OPRM1: variants seen among roughly 807,000 people sequenced by gnomAD.
OPRM1 encodes mu-type opioid receptor.
Under a neutral mutation model 31.8 loss-of-function variants are expected in OPRM1, and 27 were observed. That is an observed-to-expected ratio of 0.85 (90% CI 0.63 to 1.17). The LOEUF (loss-of-function observed/expected upper bound fraction) is 1.17. Ranked by LOEUF, OPRM1 falls within the 50% of genes most tolerant of loss-of-function variation. The pLI, the probability that OPRM1 is intolerant of heterozygous loss-of-function variation, is 0.00. For synonymous variants in OPRM1, 196 were observed against 189.9 expected (o/e 1.03, Z -0.26); for missense variants, 536 against 511.1 (o/e 1.05, Z -0.47).
chr6:154,218,908 A>C (rs1237710397), intron 3 of OPRM1: 1 of 152,148 alleles, frequency 6.6e-6, no homozygotes, highest in East Asian at 1.9e-4. Context: ...CCCCCAAAAG[A>C]ATTTCAAGTA....
chr6:154,108,966 C>T, intron 3 of OPRM1: 1 of 984,350 alleles, frequency 1.0e-6, no homozygotes, highest in Non-Finnish European at 1.2e-6. Flanking sequence ...AGAAATAAGT[C>T]ATGGGGATTT....
rs1797770200 is a variant in OPRM1 at position 154,129,505 on chromosome 6, ACAT to A, written c.*10788_*10790del. ...GGGTCTTTCTCTCCTCTCAATGTCA[ACAT>A]CATATATGATTGGAGACTTCCACAT... On this transcript the variant is annotated 3_prime_UTR_variant, in exon 4 of 4. Transcript: ENST00000330432. Among the ~76,000 whole-genome samples, 1 of 152,198 alleles carries A rather than the reference ACAT, an allele frequency of 6.6e-6. No individual in the cohort carries two copies. Among genetic ancestry groups the A allele is most frequent in the Non-Finnish European group, 1.5e-5 (1 of 68,032 alleles).
Position 154,213,846 on chromosome 6 carries a change from A to C in OPRM1, c.1165-32847A>C, listed in dbSNP as rs528669099. ...GTACACACCTGGTGGAAATATTAAA[A>C]TATCAGGGAGGAAATAGTGGGATGA... On this transcript the variant is annotated intron_variant, in intron 3 of 3. Transcript: ENST00000337049. Among the ~76,000 whole-genome samples, 22 of 152,334 alleles carry C rather than the reference A, an allele frequency of 1.4e-4. 2 individuals carry two copies. Among genetic ancestry groups the C allele is most frequent in the South Asian group, 6.2e-4 (3 of 4,828 alleles).
chr6:154,166,678 G>A (rs1799460979), intron 3 of OPRM1, among the ~76,000 whole-genome samples: 1 of 151,990 alleles, frequency 6.6e-6, no homozygotes, highest in Admixed American at 6.6e-5. Flanking sequence ...CCATTCAATG[G>A]TCCCAGTCAC....
At chr6:154,181,878 A>C (rs1465884570) in intron 3 of OPRM1, among the ~76,000 whole-genome samples, 1 of 152,162 alleles carries the variant, frequency 6.6e-6, no homozygotes, top group African/African-American at 2.4e-5. Context: ...AATAATCATA[A>C]ATACATGTGT....
intron 3 of OPRM1, among the ~76,000 whole-genome samples, chr6:154,179,313 G>A (rs1171474592): frequency 1.3e-5 from 2 of 152,132 alleles, no homozygotes; most frequent in African/African-American, 4.8e-5. Flanking sequence ...AGGCTTTTCA[G>A]TAAAGCAGTA....
At chr6:154,114,898 T>C (rs144988479) in intron 3 of OPRM1, among the ~76,000 whole-genome samples, 286 of 151,592 alleles carry the variant, frequency 1.9e-3, no homozygotes, top group African/African-American at 6.5e-3. Context: ...AACAAAAAAC[T>C]TGAAGAGAAC....
Position 154,039,566 on chromosome 6 carries a change from A to G in OPRM1, c.22A>G (p.Thr8Ala), listed in dbSNP as rs1422558678. MDSSAAP[T>A]NASNCTDALA... The stretch of plus-strand genomic sequence containing the variant: ...TACCATGGACAGCAGCGCTGCCCCC[A>G]CGAACGCCAGCAATTGCACTGATGC... Residue 8 changes from threonine (T) to alanine (A), a missense_variant, in exon 1 of 4, where the codon ACG becomes GCG. Physicochemically the swap from Thr to Ala is moderately conservative, Grantham distance 58. Coordinates refer to ENST00000330432, the MANE Select transcript of OPRM1 (RefSeq NM_000914.5). 1.9e-6 allele frequency: 3 copies of G among 1,612,910 alleles called. No homozygotes were observed. Among genetic ancestry groups the G allele is most frequent in the Non-Finnish European group, 1.7e-6 (2 of 1,179,544 alleles).
chr6:154,162,954 A>G (rs764274023), intron 3 of OPRM1, among the ~76,000 whole-genome samples: 65 of 152,158 alleles, frequency 4.3e-4, no homozygotes, highest in Non-Finnish European at 6.5e-4. Context: ...TTCCTACCGT[A>G]GTCTTCCACA....
chr6:154,015,642 A>T (rs962992400), intron 1 of OPRM1, among the ~76,000 whole-genome samples: 1 of 152,082 alleles, frequency 6.6e-6, no homozygotes, highest in Non-Finnish European at 1.5e-5. Flanking sequence ...TACAGGAAAA[A>T]ATTGATGAAT....
chr6:154,104,153 G>A (rs554270254), intron 3 of OPRM1, among the ~76,000 whole-genome samples: 24 of 152,208 alleles, frequency 1.6e-4, no homozygotes, highest in African/African-American at 4.3e-4. Context: ...TAGCTATTAG[G>A]GGCTCTTGTG....
intron 1 of OPRM1, chr6:154,083,539 A>ATAGTT (rs147095520): frequency 0.17 from 25,366 of 152,242 alleles, 2,226 homozygotes; most frequent in African/African-American, 0.2. Flanking sequence ...TGTCTGAAAG[A>ATAGTT]TACTCATGGT....
At position 154,101,614 on chromosome 6, in the gene OPRM1, C is replaced by T. The variant is rs1472468366; in HGVS notation, c.1164+10142C>T. On this transcript the variant is annotated intron_variant, in intron 3 of 3. Transcript: ENST00000330432. ...ATGTCAAGCAGATGCAAAATGTTCACAGTTCTTCGAACACTGGAACTGAAA... is the reference window on the plus strand; with the variant it reads ...ATGTCAAGCAGATGCAAAATGTTCATAGTTCTTCGAACACTGGAACTGAAA... Among the ~76,000 whole-genome samples the T allele has an allele frequency of 2.6e-5, 4 of 152,164 alleles. No homozygotes were observed. In the East Asian group the frequency reaches 7.7e-4, roughly 29 times the overall value.
chr6:154,211,845 T>C (rs887857358), intron 3 of OPRM1, among the ~76,000 whole-genome samples: 1 of 152,114 alleles, frequency 6.6e-6, no homozygotes, highest in African/African-American at 2.4e-5. Flanking sequence ...GACTAACACA[T>C]AGAATAATAA....
chr6:154,064,459 G>C (rs1030225383), intron 1 of OPRM1, among the ~76,000 whole-genome samples: 1 of 152,126 alleles, frequency 6.6e-6, no homozygotes, highest in African/African-American at 2.4e-5. Context: ...TACATGGATA[G>C]TGTCCTTTGA....
At chr6:154,101,616 G>T (rs1242356600) in intron 3 of OPRM1, among the ~76,000 whole-genome samples, 2 of 152,140 alleles carry the variant, frequency 1.3e-5, no homozygotes, top group Non-Finnish European at 2.9e-5. Context: ...AATGTTCACA[G>T]TTCTTCGAAC....
chr6:154,109,391 A>T (rs1178521015), intron 3 of OPRM1, among the ~76,000 whole-genome samples: 1 of 152,210 alleles, frequency 6.6e-6, no homozygotes, highest in Non-Finnish European at 1.5e-5. Context: ...TTACAAAAAG[A>T]TGTATGTATT....
chr6:154,019,728 C>CTTTCTTTTCT (rs575009900), intron 1 of OPRM1, among the ~76,000 whole-genome samples: 4 of 144,330 alleles, frequency 2.8e-5, no homozygotes, highest in African/African-American at 8.1e-5. Context: ...AGCTTAGTGG[C>CTTTCTTTTCT]TTTCTTTTCT....
At position 154,180,905 on chromosome 6, in the gene OPRM1, G is replaced by A. The variant is rs368665086; in HGVS notation, c.1165-65788G>A. Among the ~76,000 whole-genome samples the A allele has an allele frequency of 4.6e-5, 7 of 152,234 alleles. No individual in the cohort carries two copies. In the South Asian group the frequency reaches 6.2e-4, roughly 14 times the overall value. On this transcript the variant is annotated intron_variant, in intron 3 of 3. Coordinates refer to the OPRM1 transcript ENST00000337049. ...TGGAAAAATTTAGGTAGAAAACAGC[G>A]TTTCCTGTTCATATGCAATGTTCTA...
Sources: allele counts gnomAD v4.1 joint callset (sites outside exome capture counted in the v4.1 genomes callset), GRCh38; gene constraint gnomAD v4.1.1; transcripts MANE v1.5; gene names NCBI Gene and HGNC (gene_info 2026-07-23, HGNC 2026-07-21).